The following MYO16 variants were observed in gnomAD, a reference collection of about 807,000 sequenced individuals.
MYO16 encodes myosin XVI, also known as unconventional myosin-XVI.
A neutral mutation model predicts 205.3 loss-of-function variants in MYO16; 94 were observed. The ratio of observed to expected loss-of-function variants is 0.46; its 90% CI spans 0.39 to 0.54. The LOEUF (loss-of-function observed/expected upper bound fraction) is 0.54, where lower values mean the gene tolerates loss of function less well. MYO16 is among the 20% of genes least tolerant of loss of function. MYO16 has a pLI of 0.00. For synonymous variants in MYO16, 988 were observed against 954.0 expected (o/e 1.04, Z -0.66); for missense variants, 2,315 against 2,387.5 (o/e 0.97, Z 0.63).
chr13:108,703,519 G>A lies in MYO16; in HGVS notation c.293-9142G>A, dbSNP rs554836310. 4.0e-5 allele frequency among the ~76,000 whole-genome samples: 6 copies of A among 151,542 alleles called. No homozygotes were observed. The South Asian group carries it at 1.4e-3, about 36-fold the overall frequency. ...CAGCAATGGATGGAGCTAGACAAAA[G>A]TTCAACAGGAAAAAGAAGACTTGAA... On this transcript the variant is annotated intron_variant, in intron 2 of 34. Transcript: ENST00000457511.
In MYO16 at chr13:109,196,303, G is replaced by A. The variant is rs114815136; in HGVS notation, c.5416-10306G>A. On this transcript the variant is annotated intron_variant, in intron 34 of 34. Coordinates refer to ENST00000457511, the MANE Select transcript of MYO16 (RefSeq NM_001198950.3). ...TTTTAAATCCCCGTACTGAGTTGTC[G>A]AGTTAGTAATCACCAGTATCTTAAG... 3.8e-3 allele frequency among the ~76,000 whole-genome samples: 579 copies of A among 152,262 alleles called. 6 individuals carry two copies. Among genetic ancestry groups the A allele is most frequent in the African/African-American group, 0.013 (532 of 41,562 alleles).
chr13:109,080,537 G>A (rs1381068749), intron 27 of MYO16, among the ~76,000 whole-genome samples: 1 of 151,170 alleles, frequency 6.6e-6, no homozygotes. Flanking sequence ...ATTTGTTTCT[G>A]TAGAGTTCTG....
chr13:109,146,018 A>C (rs1172250208), intron 32 of MYO16, among the ~76,000 whole-genome samples: 2 of 152,254 alleles, frequency 1.3e-5, no homozygotes, highest in African/African-American at 4.8e-5. Context: ...AACAGGTACT[A>C]AAAATGATGT....
the MYO16 span, among the ~76,000 whole-genome samples, chr13:108,535,251 T>G: frequency 6.6e-6 from 1 of 152,176 alleles, no homozygotes; most frequent in East Asian, 1.9e-4. Context: ...CTTGTATTAC[T>G]TAAGTACAGG....
At chr13:108,600,557 A>G (rs777287612) in intron 1 of MYO16, among the ~76,000 whole-genome samples, 8 of 152,196 alleles carry the variant, frequency 5.3e-5, no homozygotes, top group Non-Finnish European at 1.0e-4. Context: ...TATAGAATTT[A>G]CTACATTTAA....
intron 9 of MYO16, among the ~76,000 whole-genome samples, chr13:108,826,920 C>T (rs1438860382): frequency 1.3e-5 from 2 of 152,078 alleles, no homozygotes; most frequent in African/African-American, 2.4e-5. Flanking sequence ...CTGCCACTCT[C>T]GTATGGTGGT....
intron 17 of MYO16, among the ~76,000 whole-genome samples, chr13:108,958,614 G>T (rs1312254203): frequency 6.6e-6 from 1 of 152,132 alleles, no homozygotes; most frequent in African/African-American, 2.4e-5. Context: ...TTGAAGTGTG[G>T]CTAGTGGGCT....
chr13:108,563,060 G>A, the MYO16 span, among the ~76,000 whole-genome samples: 2 of 152,094 alleles, frequency 1.3e-5, no homozygotes, highest in Non-Finnish European at 2.9e-5. Flanking sequence ...ACATCCAATT[G>A]CCTTACTAGG....
At chr13:108,972,205 GTCTCTCTCTCTC>G (rs749547949) in intron 20 of MYO16, among the ~76,000 whole-genome samples, 1 of 11,138 alleles carries the variant, frequency 9.0e-5, no homozygotes, top group East Asian at 4.2e-3. Flanking sequence ...CTGAGACCCT[GTCTCTCTCTCTC>G]TCTCTCTCTC....
intron 5 of MYO16, among the ~76,000 whole-genome samples, chr13:108,789,403 C>A (rs1431204822): frequency 1.3e-5 from 2 of 152,082 alleles, no homozygotes; most frequent in Non-Finnish European, 2.9e-5. Flanking sequence ...CCAGTATTAG[C>A]CCTCCCCCTT....
At chr13:108,821,433 A>C (rs1029183633) in intron 8 of MYO16, among the ~76,000 whole-genome samples, 1 of 152,218 alleles carries the variant, frequency 6.6e-6, no homozygotes, top group African/African-American at 2.4e-5. Context: ...CTTATAGTCT[A>C]GTAATCTTAA....
intron 23 of MYO16, among the ~76,000 whole-genome samples, chr13:109,038,080 G>C (rs1886770111): frequency 6.6e-6 from 1 of 152,210 alleles, no homozygotes; most frequent in South Asian, 2.1e-4. Flanking sequence ...TATTTCTGTA[G>C]ACAGTGAGGA....
intron 27 of MYO16, among the ~76,000 whole-genome samples, chr13:109,075,034 T>A (rs1888046626): frequency 6.6e-6 from 1 of 152,210 alleles, no homozygotes; most frequent in Admixed American, 6.5e-5. Context: ...ATCTATATTG[T>A]TATAGTCCGT....
chr13:108,700,436 T>A (rs145648623), intron 2 of MYO16, among the ~76,000 whole-genome samples: 1 of 152,092 alleles, frequency 6.6e-6, no homozygotes, highest in Non-Finnish European at 1.5e-5. Flanking sequence ...CTTTGACGAT[T>A]GTAGCCACAT....
chr13:109,073,413 T>A (rs1284271415), intron 27 of MYO16, among the ~76,000 whole-genome samples: 3 of 102,992 alleles, frequency 2.9e-5, no homozygotes, highest in Non-Finnish European at 6.0e-5. Context: ...ACACGGCCTG[T>A]GGAATATCTT....
At chr13:108,962,637 C>A in intron 19 of MYO16, 142 bp downstream of exon 19, 1 of 660,998 alleles carries the variant, frequency 1.5e-6, no homozygotes, top group South Asian at 1.9e-5. Flanking sequence ...CCTGTTTGGT[C>A]ATTTGACATG....
intron 6 of MYO16, among the ~76,000 whole-genome samples, chr13:108,795,833 A>G (rs192639441): frequency 5.0e-4 from 76 of 152,330 alleles, no homozygotes; most frequent in African/African-American, 1.6e-3. Flanking sequence ...AATGCAAGGG[A>G]AAAAACAACA....
At chr13:108,817,657 C>T (rs976380085) in intron 7 of MYO16, among the ~76,000 whole-genome samples, 3 of 152,148 alleles carry the variant, frequency 2.0e-5, no homozygotes, top group Non-Finnish European at 4.4e-5. Flanking sequence ...TAAATTACTT[C>T]ATTGTTTAAA....
intron 9 of MYO16, among the ~76,000 whole-genome samples, chr13:108,829,723 A>G (rs401828): frequency 0.91 from 138,408 of 152,202 alleles, 63,568 homozygotes; most frequent in East Asian, 1. Flanking sequence ...CAGCCAAGTG[A>G]CTCTTGGGGA....
Sources: gnomAD v4.1 joint callset for allele counts (sites outside exome capture counted in the v4.1 genomes callset) on GRCh38, gnomAD v4.1.1 for gene constraint, MANE v1.5 for transcripts, NCBI Gene and HGNC (gene_info 2026-07-23, HGNC 2026-07-21) for gene names.